The following TRHDE variants were observed in gnomAD, a reference collection of about 807,000 sequenced individuals.
The protein encoded by TRHDE is thyrotropin-releasing hormone-degrading ectoenzyme.
TRHDE carries 72 observed loss-of-function variants against 125.7 expected under a neutral mutation model. The ratio of observed to expected loss-of-function variants is 0.57; its 90% CI spans 0.47 to 0.70. The LOEUF (loss-of-function observed/expected upper bound fraction) is 0.70. TRHDE is among the 30% of genes least tolerant of loss of function. The pLI is 0.00. For missense variants in TRHDE, 1,110 were observed against 1,327.1 expected (o/e 0.84, Z 2.54); for synonymous variants, 509 against 509.1 (o/e 1.00, Z 0.00).
chr12:72,582,580 A>G, intron 12 of TRHDE: 8 of 985,450 alleles, frequency 8.1e-6, no homozygotes, highest in Non-Finnish European at 9.6e-6. Context: ...AATGTGCCTG[A>G]AAAGCAAGTG....
intron 3 of TRHDE, among the ~76,000 whole-genome samples, chr12:72,393,126 T>C (rs926423256): frequency 5.9e-5 from 9 of 152,196 alleles, no homozygotes; most frequent in African/African-American, 2.2e-4. Flanking sequence ...TCATGTTATT[T>C]TACATTCTCA....
rs139471476 is a variant in TRHDE at position 72,388,702 on chromosome 12, C to G, written c.1315+10581C>G. On this transcript the variant is annotated intron_variant, in intron 3 of 18. Transcript: ENST00000261180. ...ATGAAGGATGACTTAACTATAGTTG[C>G]AGCTATTTTCTCATTAAGGATCCCC... Among the ~76,000 whole-genome samples, 290 of 152,158 alleles carry G rather than the reference C, an allele frequency of 1.9e-3. 1 individual carries two copies. Among genetic ancestry groups the G allele is most frequent in the African/African-American group, 6.7e-3 (277 of 41,504 alleles).
At chr12:72,198,948 A>G (rs892220959) in intron 2 of TRHDE, among the ~76,000 whole-genome samples, 1 of 151,938 alleles carries the variant, frequency 6.6e-6, no homozygotes, top group Non-Finnish European at 1.5e-5. Context: ...AGAGAGAGAG[A>G]GAGAGAGAGA....
At chr12:72,462,828 C>CCCTGCCCTA (rs1876188843) in intron 3 of TRHDE, among the ~76,000 whole-genome samples, 1 of 152,066 alleles carries the variant, frequency 6.6e-6, no homozygotes, top group Non-Finnish European at 1.5e-5. Flanking sequence ...TTATTTGGCC[C>CCCTGCCCTA]CCTGCCCTAC....
intron 2 of TRHDE, among the ~76,000 whole-genome samples, chr12:72,115,143 C>A (rs1303141681): frequency 6.6e-6 from 1 of 151,518 alleles, no homozygotes; most frequent in Non-Finnish European, 1.5e-5. Flanking sequence ...TTTGACTATA[C>A]TCTCCATGTT....
At chr12:72,155,741 G>C (rs1015110364) in intron 2 of TRHDE, among the ~76,000 whole-genome samples, 2 of 152,176 alleles carry the variant, frequency 1.3e-5, no homozygotes, top group Non-Finnish European at 2.9e-5. Context: ...CTGCCTGATC[G>C]TTCCTCTGGA....
At chr12:72,310,721 A>G (rs1313727460) in intron 2 of TRHDE, among the ~76,000 whole-genome samples, 3 of 152,152 alleles carry the variant, frequency 2.0e-5, no homozygotes, top group Admixed American at 1.3e-4. Context: ...TAAATTCCTA[A>G]TTAAAATGAA....
At chr12:72,518,616 C>G (rs956693082) in intron 6 of TRHDE, among the ~76,000 whole-genome samples, 1 of 152,006 alleles carries the variant, frequency 6.6e-6, no homozygotes, top group Non-Finnish European at 1.5e-5. Flanking sequence ...CAGTCTGTGT[C>G]TTTTAATTGG....
intron 2 of TRHDE, among the ~76,000 whole-genome samples, chr12:72,244,367 A>C (rs1274109428): frequency 1.3e-5 from 2 of 152,150 alleles, no homozygotes; most frequent in Non-Finnish European, 2.9e-5. Flanking sequence ...CGCTGTTTGT[A>C]AGTTCAGCTC....
intron 7 of TRHDE, among the ~76,000 whole-genome samples, chr12:72,544,637 C>T (rs990416905): frequency 4.0e-5 from 6 of 151,046 alleles, no homozygotes; most frequent in Admixed American, 2.7e-4. Context: ...CACATAGGAA[C>T]AATGTCTTAA....
At chr12:72,128,295 TGTATTCCA>T (rs1188221149) in intron 2 of TRHDE, among the ~76,000 whole-genome samples, 1 of 152,152 alleles carries the variant, frequency 6.6e-6, no homozygotes, top group African/African-American at 2.4e-5. Flanking sequence ...ACTGATAAAC[TGTATTCCA>T]GATTTGCCAA....
chr12:72,454,453 T>C (rs1875740012), intron 3 of TRHDE, among the ~76,000 whole-genome samples: 1 of 152,210 alleles, frequency 6.6e-6, no homozygotes, highest in South Asian at 2.1e-4. Flanking sequence ...AAGGCAGTGC[T>C]ATTATGACAT....
chr12:72,611,591 C>T (rs1047652964), intron 12 of TRHDE, among the ~76,000 whole-genome samples: 9 of 152,124 alleles, frequency 5.9e-5, no homozygotes, highest in Admixed American at 2.6e-4. Context: ...CATGAACCTT[C>T]ACTCTAACAA....
At chr12:72,378,158 C>A in intron 3 of TRHDE, 37 bp downstream of exon 3, 1 of 1,526,654 alleles carries the variant, frequency 6.6e-7, no homozygotes, top group Non-Finnish European at 8.8e-7. Flanking sequence ...GGAAGGGCTC[C>A]TTGAAAGTGG....
chr12:72,582,568 A>C, intron 12 of TRHDE: 2 of 985,460 alleles, frequency 2.0e-6, no homozygotes, highest in Non-Finnish European at 2.4e-6. Context: ...AAATAGTAGT[A>C]TAATGTGCCT....
intron 3 of TRHDE, among the ~76,000 whole-genome samples, chr12:72,430,278 CTG>C (rs1487483928): frequency 1.1e-4 from 15 of 141,866 alleles, no homozygotes; most frequent in Admixed American, 9.9e-4. Flanking sequence ...ACATATAAAA[CTG>C]TTGTGTGTGT....
chr12:72,505,609 G>A (rs888563503), intron 6 of TRHDE, among the ~76,000 whole-genome samples: 7 of 152,064 alleles, frequency 4.6e-5, no homozygotes, highest in Non-Finnish European at 1.0e-4. Flanking sequence ...CTTATGTCGT[G>A]GTTAGTATAT....
At chr12:72,123,256 G>A (rs181241310) in intron 2 of TRHDE, among the ~76,000 whole-genome samples, 127 of 152,226 alleles carry the variant, frequency 8.3e-4, no homozygotes, top group Non-Finnish European at 1.5e-3. Context: ...GGAATTACTT[G>A]AGCAGGGAAG....
At chr12:72,211,120 T>A (rs1877771891) in intron 2 of TRHDE, among the ~76,000 whole-genome samples, 1 of 152,156 alleles carries the variant, frequency 6.6e-6, no homozygotes, top group Admixed American at 6.5e-5. Context: ...GAACCCTCTG[T>A]CTTTTTTCTG....
Sources: gnomAD v4.1 joint callset for allele counts (sites outside exome capture counted in the v4.1 genomes callset) on GRCh38, gnomAD v4.1.1 for gene constraint, MANE v1.5 for transcripts, NCBI Gene and HGNC (gene_info 2026-07-23, HGNC 2026-07-21) for gene names.